KRT8: variants seen among roughly 807,000 people sequenced by gnomAD.
KRT8 encodes the protein keratin 8.
In KRT8, 24 loss-of-function variants were observed where a neutral mutation model predicts 43.0. That is an observed-to-expected ratio of 0.56 (90% CI 0.40 to 0.78). The LOEUF (loss-of-function observed/expected upper bound fraction) is 0.78, where lower values mean the gene tolerates loss of function less well. KRT8 is among the 30% of genes least tolerant of loss of function. The pLI is 0.00. For synonymous variants in KRT8, 214 were observed against 261.2 expected, an observed-to-expected ratio of 0.82 and a Z score of 1.74; for missense variants, 492 against 638.4, an observed-to-expected ratio of 0.77 and a Z score of 2.47.
upstream of KRT8, among the ~76,000 whole-genome samples, chr12:52,905,728 CA>C (rs1941501022): frequency 1.7e-5 from 1 of 60,442 alleles, no homozygotes; most frequent in Admixed American, 1.5e-4. Context: ...CGCGCACACA[CA>C]CACACACACA....
chr12:52,921,616 C>A (rs985637371), intron 2 of KRT8, among the ~76,000 whole-genome samples: 3 of 152,030 alleles, frequency 2.0e-5, no homozygotes, highest in Non-Finnish European at 4.4e-5. Flanking sequence ...CCTGGCTCTA[C>A]CCCCAAGGAC....
chr12:52,939,101 TAAAAAATA>T (rs1942226333), intron 2 of KRT8, among the ~76,000 whole-genome samples: 1 of 151,318 alleles, frequency 6.6e-6, no homozygotes, highest in Non-Finnish European at 1.5e-5. Flanking sequence ...AAAAGTAAAA[TAAAAAATA>T]AAAATAAAAA....
At chr12:52,929,856 ACT>A (rs1299317578) in intron 2 of KRT8, among the ~76,000 whole-genome samples, 1 of 151,072 alleles carries the variant, frequency 6.6e-6, no homozygotes, top group African/African-American at 2.4e-5. Flanking sequence ...ACATCTCCAG[ACT>A]CTCCTCGGAG....
intron 2 of KRT8, among the ~76,000 whole-genome samples, chr12:52,921,988 A>G (rs1303602416): frequency 2.0e-5 from 3 of 151,714 alleles, no homozygotes; most frequent in African/African-American, 7.3e-5. Flanking sequence ...CAACACAGCA[A>G]GACCCTGTCT....
rs1565725524 is a variant in KRT8 at position 52,918,171 on chromosome 12, AGAG to A, written c.-46-13147_-46-13145del. ...AGGGAGAAGGGGAAGAAGAAGAAGA[AGAG>A]GAAGAGGAAGAAGAAGAAGAAGAAG... is the stretch of plus-strand genomic sequence containing the variant. On this transcript the variant is annotated intron_variant, in intron 2 of 6. Coordinates refer to the KRT8 transcript ENST00000546826. Among the ~76,000 whole-genome samples the A allele has an allele frequency of 1.3e-4, 16 of 127,350 alleles. 1 individual carries two copies. The East Asian group carries it at 1.3e-3, about 11-fold the overall frequency. The allele number at this position is 127,350 out of a possible 152,430, so 83.5% of individuals were successfully genotyped here.
intron 2 of KRT8, chr12:52,926,334 C>CCCCCCCCCCCCCCCCCCCCCACAGGGG: frequency 1.6e-6 from 1 of 641,164 alleles, no homozygotes; most frequent in Non-Finnish European, 2.8e-6. Context: ...CACTAGCTGC[C>CCCCCCCCCCCCCCCCCCCCCACAGGGG]CTCCCCACCC....
intron 6 of KRT8, 61 bp downstream of exon 6, chr12:52,898,618 C>A (rs1565715646): frequency 6.2e-7 from 1 of 1,612,742 alleles, no homozygotes; most frequent in Non-Finnish European, 8.5e-7. Flanking sequence ...GGGCTCCCAC[C>A]GTCCCCACCC....
chr12:52,909,346 A>G (rs1468583995), upstream of KRT8, among the ~76,000 whole-genome samples: 1 of 152,232 alleles, frequency 6.6e-6, no homozygotes, highest in Non-Finnish European at 1.5e-5. Flanking sequence ...TTGAAATGTT[A>G]TTATTGGTAT....
At chr12:52,909,797 T>A (rs895421475), upstream of KRT8, among the ~76,000 whole-genome samples, 5 of 152,202 alleles carry the variant, frequency 3.3e-5, no homozygotes, top group Admixed American at 2.6e-4. Context: ...AATCTGTGAA[T>A]GTTCTCTGGT....
At chr12:52,941,935 C>T (rs115184703) in intron 2 of KRT8, among the ~76,000 whole-genome samples, 70 of 152,242 alleles carry the variant, frequency 4.6e-4, no homozygotes, top group African/African-American at 1.7e-3. Context: ...GATCCTAGAC[C>T]ATGCTGGCAT....
intron 5 of KRT8, 55 bp from the exon 6 acceptor site, chr12:52,898,954 C>T: frequency 1.1e-5 from 16 of 1,512,314 alleles, no homozygotes; most frequent in Admixed American, 3.5e-5. Flanking sequence ...TCTCTTCTCC[C>T]GTGCTCCCAC....
intron 2 of KRT8, among the ~76,000 whole-genome samples, chr12:52,939,378 C>A (rs1413572246): frequency 6.6e-6 from 1 of 152,008 alleles, no homozygotes; most frequent in Non-Finnish European, 1.5e-5. Flanking sequence ...GTGGCACACG[C>A]CTTTAGTCCC....
At chr12:52,942,109 G>A (rs1942277335) in intron 2 of KRT8, among the ~76,000 whole-genome samples, 1 of 151,958 alleles carries the variant, frequency 6.6e-6, no homozygotes, top group South Asian at 2.1e-4. Flanking sequence ...ATTTATCTTT[G>A]TATTCCCAGG....
chr12:52,922,599 G>A (rs1198158932), intron 2 of KRT8, among the ~76,000 whole-genome samples: 1 of 152,204 alleles, frequency 6.6e-6, no homozygotes, highest in African/African-American at 2.4e-5. Context: ...CTTGAACCCA[G>A]GAGGCAGACT....
intron 2 of KRT8, among the ~76,000 whole-genome samples, chr12:52,927,560 C>T (rs933712000): frequency 4.6e-5 from 7 of 152,210 alleles, no homozygotes; most frequent in Non-Finnish European, 7.3e-5. Flanking sequence ...GGGGTGGAGT[C>T]GCGAGGGCCC....
chr12:52,904,723 C>A, exon 1 of KRT8: 2 of 1,612,842 alleles, frequency 1.2e-6, no homozygotes, highest in Non-Finnish European at 1.7e-6. Flanking sequence ...TGGGTGCGCA[C>A]GGCCTGGATG....
intron 2 of KRT8, among the ~76,000 whole-genome samples, chr12:52,933,293 A>G (rs117281798): frequency 0.024 from 3,636 of 152,322 alleles, 73 homozygotes; most frequent in Admixed American, 0.052. Flanking sequence ...TGGAAATTCA[A>G]ACTGAAAAAG....
In KRT8 at chr12:52,902,054, G is replaced by A. The variant is rs1384365095; in HGVS notation, c.343C>T (p.Gln115Ter). Residue 115 changes from glutamine (Q) to a stop codon, truncating the protein, a stop_gained, in exon 2 of 8, where the codon CAG becomes TAG. Transcript: ENST00000692008. LOFTEE classifies it high-confidence loss of function. ...CACTTGGTCTCCAGCATCTTGTTCTGCTGCTCCAGGAACCGTACCTATACG... is the reference window on the plus strand; with the variant it reads ...CACTTGGTCTCCAGCATCTTGTTCTACTGCTCCAGGAACCGTACCTATACG... The A allele has an allele frequency of 6.2e-7, 1 of 1,601,596 alleles. No individual in the cohort carries two copies. Among genetic ancestry groups the A allele is most frequent in the South Asian group, 1.1e-5 (1 of 91,048 alleles).
At position 52,900,070 on chromosome 12, in the gene KRT8, G is replaced by T. The variant is rs747860756; in HGVS notation, c.691-5C>A. On this transcript the variant is annotated splice_region_variant and splice_polypyrimidine_tract_variant and intron_variant, in intron 4 of 7. Transcript: ENST00000692008. ...GGACTGCAGCTCCCGGATCTCCTGT[G>T]GGGGAAGAGGGCAAGTGGTGAGGCC... The T allele has an allele frequency of 1.2e-6, 2 of 1,612,084 alleles. No individual in the cohort carries two copies. The highest frequency in any genetic ancestry group is 2.7e-5 in the African/African-American group (2 of 75,018).
Sources: allele counts gnomAD v4.1 joint callset (sites outside exome capture counted in the v4.1 genomes callset), GRCh38; gene constraint gnomAD v4.1.1; transcripts MANE v1.5; gene names NCBI Gene and HGNC (gene_info 2026-07-23, HGNC 2026-07-21).